The following TMEFF1 variants were observed in gnomAD, a reference collection of about 807,000 sequenced individuals.
TMEFF1 encodes tomoregulin-1.
A neutral mutation model predicts 47.5 loss-of-function variants in TMEFF1; 20 were observed. That is an observed-to-expected ratio of 0.42 (90% CI 0.30 to 0.61). TMEFF1 has a LOEUF of 0.61. Among genes scored for constraint, TMEFF1 ranks in the 20% least tolerant of loss-of-function variants. TMEFF1 has a pLI of 0.19. For synonymous variants in TMEFF1, 162 were observed against 166.3 expected, an observed-to-expected ratio of 0.97 and a Z score of 0.20; for missense variants, 411 against 471.1, an observed-to-expected ratio of 0.87 and a Z score of 1.18.
rs1404540376 is a variant in TMEFF1, at chr9:100,576,607, G to A, written c.*7G>A. ...GTCATCCAGAATGGTTTAAACTGAT[G>A]ACTTTTATATGTACACTGACCATGT... On this transcript the variant is annotated 3_prime_UTR_variant, in exon 10 of 10. Coordinates refer to ENST00000374879, the MANE Select transcript of TMEFF1 (RefSeq NM_003692.5). The A allele has an allele frequency of 1.2e-6, 2 of 1,607,270 alleles. No individual in the cohort carries two copies. The highest frequency in any genetic ancestry group is 1.7e-6 in the Non-Finnish European group (2 of 1,177,826).
At chr9:100,545,162 A>G (rs1309955189) in intron 5 of TMEFF1, among the ~76,000 whole-genome samples, 4 of 151,848 alleles carry the variant, frequency 2.6e-5, no homozygotes, top group African/African-American at 4.9e-5. Context: ...ACGCCTCAGT[A>G]GAGACTCTGT....
chr9:100,566,051 C>A (rs549343988), intron 8 of TMEFF1, among the ~76,000 whole-genome samples: 2 of 152,328 alleles, frequency 1.3e-5, no homozygotes, highest in African/African-American at 4.8e-5. Context: ...GCATTTGACA[C>A]ACTTGTTCAC....
At chr9:100,532,041 T>G (rs1838392495) in intron 5 of TMEFF1, among the ~76,000 whole-genome samples, 1 of 151,714 alleles carries the variant, frequency 6.6e-6, no homozygotes, top group Non-Finnish European at 1.5e-5. Flanking sequence ...TAGCCATATG[T>G]AGAAAGCTGA....
chr9:100,577,206 C>T lies in TMEFF1; in HGVS notation c.*606C>T, dbSNP rs1449658417. 1 of 152,362 alleles carries T rather than the reference C, an allele frequency of 6.6e-6. No individual in the cohort carries two copies. The highest frequency in any genetic ancestry group is 1.5e-5 in the Non-Finnish European group (1 of 67,960). The allele number at this position is 152,362 out of a possible 1,614,324, so 9.4% of individuals were successfully genotyped here. On this transcript the variant is annotated 3_prime_UTR_variant, in exon 10 of 10. Transcript: ENST00000374879. ...ATATGTTAGTAATGATGGAACAGAT[C>T]AATGAAAAGTAGATATAGATATTGT...
chr9:100,496,237 G>A (rs1375999936), intron 1 of TMEFF1, among the ~76,000 whole-genome samples: 1 of 152,116 alleles, frequency 6.6e-6, no homozygotes, highest in Non-Finnish European at 1.5e-5. Flanking sequence ...TCAAGGCTGT[G>A]TTTATGCCAA....
In TMEFF1 at chr9:100,571,615, G is replaced by A. The variant is rs548745851; in HGVS notation, c.900-903G>A. ...CTTTTTGTTGCCAGGGACTAGTTCC[G>A]TACAAGACAGTTTTTCCATGGACTG... On this transcript the variant is annotated intron_variant, in intron 8 of 9. Transcript: ENST00000374879. Among the ~76,000 whole-genome samples the A allele has an allele frequency of 1.5e-3, 223 of 151,810 alleles. 2 individuals carry two copies. The highest frequency in any genetic ancestry group is 5.3e-3 in the African/African-American group (219 of 41,330).
intron 7 of TMEFF1, 30 bp from the exon 8 acceptor site, chr9:100,561,367 G>A: frequency 1.9e-6 from 3 of 1,598,200 alleles, no homozygotes; most frequent in Non-Finnish European, 2.6e-6. Flanking sequence ...GCGTTTCATT[G>A]TTGAACGATC....
At chr9:100,512,106 G>A (rs1247281300) in intron 3 of TMEFF1, among the ~76,000 whole-genome samples, 2 of 152,052 alleles carry the variant, frequency 1.3e-5, no homozygotes, top group Admixed American at 1.3e-4. Context: ...CATTGTATGT[G>A]GAATCGAAGT....
At chr9:100,500,419 T>C (rs1587822926) in intron 2 of TMEFF1, among the ~76,000 whole-genome samples, 1 of 152,204 alleles carries the variant, frequency 6.6e-6, no homozygotes, top group East Asian at 1.9e-4. Flanking sequence ...TCAAGGTCCC[T>C]GATACTCTGT....
In TMEFF1 at chr9:100,473,392, G is replaced by A; in HGVS notation, c.-153G>A. The A allele has an allele frequency of 4.1e-6, 2 of 491,170 alleles. No homozygotes were observed. Among genetic ancestry groups the A allele is most frequent in the Non-Finnish European group, 6.0e-6 (2 of 331,154 alleles). The allele number at this position is 491,170 out of a possible 1,614,324, so 30.4% of individuals were successfully genotyped here. A position where few individuals can be genotyped will look rare whatever the true frequency, so the allele number is the denominator to read the frequency against. On this transcript the variant is annotated 5_prime_UTR_variant, in exon 1 of 10. Coordinates refer to ENST00000374879, the MANE Select transcript of TMEFF1 (RefSeq NM_003692.5). The surrounding 1 kb of genome is among the most constrained non-coding windows in gnomAD (Gnocchi z 5.4). ...CGCCGCGGGCCCGGGCCTGGCGGAC[G>A]CTGCGGGTGGGGCGGGGATGCTGAC... is the stretch of plus-strand genomic sequence containing the variant.
intron 5 of TMEFF1, among the ~76,000 whole-genome samples, chr9:100,529,636 A>T (rs1384935042): frequency 6.6e-6 from 1 of 152,158 alleles, no homozygotes; most frequent in Admixed American, 6.5e-5. Flanking sequence ...CCCACACATT[A>T]ATAATGGGAG....
At chr9:100,487,208 G>C (rs963700003) in intron 1 of TMEFF1, among the ~76,000 whole-genome samples, 6 of 151,892 alleles carry the variant, frequency 4.0e-5, no homozygotes, top group Admixed American at 3.3e-4. Context: ...CTGTCAGCCA[G>C]GTTGGAGTAC....
In TMEFF1 at chr9:100,554,395, G is replaced by T. The variant is rs372484075; in HGVS notation, c.775+4235G>T. Among the ~76,000 whole-genome samples, 4 of 152,242 alleles carry T rather than the reference G, an allele frequency of 2.6e-5. No individual in the cohort carries two copies. The East Asian group carries it at 7.7e-4, about 29-fold the overall frequency. ...GCTCCTAAGAGAGGAAGGTGCTGGG[G>T]AGCTGAGAGTGGAATGCTGGGCTGG... On this transcript the variant is annotated intron_variant, in intron 7 of 9. Transcript: ENST00000374879.
intron 5 of TMEFF1, among the ~76,000 whole-genome samples, chr9:100,523,044 T>TA (rs1166039413): frequency 6.6e-6 from 1 of 152,208 alleles, no homozygotes; most frequent in Non-Finnish European, 1.5e-5. Flanking sequence ...AGCCCAGAAA[T>TA]ACCTTCTTAA....
At chr9:100,474,345 G>T (rs1167725532) in intron 1 of TMEFF1, among the ~76,000 whole-genome samples, 1 of 152,022 alleles carries the variant, frequency 6.6e-6, no homozygotes, top group Admixed American at 6.5e-5. Flanking sequence ...GCGCGCGCGC[G>T]TGTGTGTTCT....
intron 8 of TMEFF1, among the ~76,000 whole-genome samples, chr9:100,569,422 A>G (rs1839185065): frequency 6.6e-6 from 1 of 151,980 alleles, no homozygotes; most frequent in Non-Finnish European, 1.5e-5. Flanking sequence ...AGTTATTTAT[A>G]TATTCTAGAT....
intron 5 of TMEFF1, among the ~76,000 whole-genome samples, chr9:100,536,879 A>G (rs900159976): frequency 2.0e-5 from 3 of 152,238 alleles, no homozygotes; most frequent in African/African-American, 2.4e-5. Flanking sequence ...TCATTTTTCT[A>G]GAAACATTAA....
rs139781267 is a variant in TMEFF1, at chr9:100,564,365, G to A, written c.899+2845G>A. 5.2e-3 allele frequency among the ~76,000 whole-genome samples: 787 copies of A among 152,222 alleles called. 4 individuals are homozygous for A. The highest frequency in any genetic ancestry group is 0.012 in the African/African-American group (506 of 41,546). ...GCTGGGATTACAGGCATGAGCCACC[G>A]CACCTGGCCTGATTTATTTTTTGAT... On this transcript the variant is annotated intron_variant, in intron 8 of 9. Transcript: ENST00000374879.
chr9:100,531,737 C>G (rs376854698), intron 5 of TMEFF1, among the ~76,000 whole-genome samples: 15,575 of 152,114 alleles, frequency 0.1, 983 homozygotes, highest in Middle Eastern at 0.18. Context: ...GAAAAAACTA[C>G]TTTAAAATTC....
Sources: allele counts gnomAD v4.1 joint callset (sites outside exome capture counted in the v4.1 genomes callset), GRCh38; gene constraint gnomAD v4.1.1; non-coding constraint Gnocchi (gnomAD v3.1); transcripts MANE v1.5; gene names NCBI Gene and HGNC (gene_info 2026-07-23, HGNC 2026-07-21).